TDRD3: variants seen among roughly 807,000 people sequenced by gnomAD.
TDRD3 encodes the protein tudor domain containing 3, also known as tudor domain-containing protein 3.
In TDRD3, 45 loss-of-function variants were observed where a neutral mutation model predicts 86.7. The observed-to-expected ratio is 0.52, with a 90% CI of 0.41 to 0.67. TDRD3 has a LOEUF of 0.67. Ranked by LOEUF, TDRD3 falls within the 30% of genes least tolerant of loss-of-function variation. The pLI is 0.00. For missense variants in TDRD3, 814 were observed against 889.0 expected (o/e 0.92, Z 1.07); for synonymous variants, 298 against 301.7 (o/e 0.99, Z 0.13).
chr13:60,482,215 C>T (rs776327654), intron 5 of TDRD3, among the ~76,000 whole-genome samples: 2 of 152,174 alleles, frequency 1.3e-5, no homozygotes, highest in Non-Finnish European at 2.9e-5. Context: ...AACAGCCCCA[C>T]AACTTCCAGT....
At chr13:60,486,550 A>C (rs772142255) in intron 7 of TDRD3, among the ~76,000 whole-genome samples, 1 of 152,208 alleles carries the variant, frequency 6.6e-6, no homozygotes, top group Non-Finnish European at 1.5e-5. Context: ...CGTGTATACA[A>C]TATGTAATGA....
chr13:60,436,934 A>G (rs1824750365), intron 1 of TDRD3, among the ~76,000 whole-genome samples: 1 of 152,084 alleles, frequency 6.6e-6, no homozygotes, highest in Non-Finnish European at 1.5e-5. Context: ...GCTTTTATCA[A>G]CTGAGTTTTA....
At chr13:60,510,363 A>G (rs932012786) in intron 9 of TDRD3, among the ~76,000 whole-genome samples, 2 of 152,166 alleles carry the variant, frequency 1.3e-5, no homozygotes, top group Non-Finnish European at 1.5e-5. Flanking sequence ...ATCTGTGGTT[A>G]AAGAATAAAT....
chr13:60,456,783 C>T (rs567975976), intron 3 of TDRD3, among the ~76,000 whole-genome samples: 24 of 152,206 alleles, frequency 1.6e-4, no homozygotes, highest in African/African-American at 5.8e-4. Context: ...GTAGCCTCCA[C>T]CTCCCAGGCT....
At chr13:60,450,257 C>T (rs1296205649) in intron 3 of TDRD3, among the ~76,000 whole-genome samples, 1 of 152,044 alleles carries the variant, frequency 6.6e-6, no homozygotes, top group African/African-American at 2.4e-5. Context: ...GAGGTGTGAC[C>T]CTTCTCTTCT....
chr13:60,563,375 G>A (rs1958382229), intron 12 of TDRD3, among the ~76,000 whole-genome samples: 1 of 152,156 alleles, frequency 6.6e-6, no homozygotes, highest in African/African-American at 2.4e-5. Flanking sequence ...CATCTTAGGG[G>A]TAGAAGCAGA....
intron 1 of TDRD3, among the ~76,000 whole-genome samples, chr13:60,407,219 C>G (rs1954256187): frequency 6.6e-6 from 1 of 152,144 alleles, no homozygotes; most frequent in East Asian, 1.9e-4. Flanking sequence ...AGGGAAAGAT[C>G]AAGTCTTCAT....
At chr13:60,556,326 A>G (rs1223122653) in intron 12 of TDRD3, among the ~76,000 whole-genome samples, 1 of 152,210 alleles carries the variant, frequency 6.6e-6, no homozygotes, top group Non-Finnish European at 1.5e-5. Context: ...CAGTTTGTAA[A>G]AATAAAGGCT....
chr13:60,565,300 C>A (rs911034277), intron 12 of TDRD3, among the ~76,000 whole-genome samples: 4 of 152,012 alleles, frequency 2.6e-5, no homozygotes, highest in African/African-American at 9.7e-5. Context: ...CGTGATCCGC[C>A]CGCCTCGGCC....
chr13:60,488,159 A>G (rs999755238), intron 7 of TDRD3, among the ~76,000 whole-genome samples: 5 of 152,176 alleles, frequency 3.3e-5, no homozygotes, highest in Non-Finnish European at 7.3e-5. Flanking sequence ...TCTCAAATCC[A>G]TCTCCCTGAT....
chr13:60,446,724 T>G (rs1955408001), intron 3 of TDRD3, among the ~76,000 whole-genome samples: 1 of 152,140 alleles, frequency 6.6e-6, no homozygotes, highest in Non-Finnish European at 1.5e-5. Flanking sequence ...GTAACTATCT[T>G]AAACCAGAGT....
At position 60,437,121 on chromosome 13, in the gene TDRD3, CTTTTT is replaced by C. The variant is rs528500199; in HGVS notation, c.42-2549_42-2545del. Among the ~76,000 whole-genome samples, 200 of 73,796 alleles carry C rather than the reference CTTTTT, an allele frequency of 2.7e-3. 2 individuals carry two copies. The highest frequency in any genetic ancestry group is 0.01 in the African/African-American group (188 of 18,680). The allele number at this position is 73,796 out of a possible 152,430, so 48.4% of individuals were successfully genotyped here. A position where few individuals can be genotyped will look rare whatever the true frequency, so the allele number is the denominator to read the frequency against. On this transcript the variant is annotated intron_variant, in intron 1 of 13. Coordinates refer to ENST00000377881, the MANE Select transcript of TDRD3 (RefSeq NM_001146070.2). ...AGCATTAATTGTTTGATAAATTAAA[CTTTTT>C]TTTTTTTTTTTTTTTTTGAGGCAGA...
intron 12 of TDRD3, chr13:60,547,462 C>G (rs1187983245): frequency 8.8e-5 from 84 of 958,536 alleles, no homozygotes; most frequent in Non-Finnish European, 1.0e-4. Context: ...CGAGTCCTGG[C>G]TCTGCCACTT....
intron 1 of TDRD3, among the ~76,000 whole-genome samples, chr13:60,401,310 A>G (rs1015760607): frequency 5.9e-5 from 9 of 152,240 alleles, no homozygotes; most frequent in African/African-American, 1.4e-4. Context: ...ATAATTTTAC[A>G]TAGCATTTAC....
Position 60,397,294 on chromosome 13 carries a change from G to C in TDRD3, c.-71G>C, listed in dbSNP as rs1294260843. The C allele has an allele frequency of 1.2e-6, 1 of 807,826 alleles. No homozygotes were observed. The allele number at this position is 807,826 out of a possible 1,614,324, so 50.0% of individuals were successfully genotyped here. On this transcript the variant is annotated 5_prime_UTR_variant, in exon 1 of 14. Transcript: ENST00000377881. ...TTTCTTTTTTTTTTTTTAAGGGGGG[G>C]GGTCTCAAGTAGGAGGCCTCCCCAT...
At chr13:60,433,669 G>T (rs1232909831) in intron 1 of TDRD3, among the ~76,000 whole-genome samples, 1 of 152,186 alleles carries the variant, frequency 6.6e-6, no homozygotes, top group Non-Finnish European at 1.5e-5. Flanking sequence ...CCACATGCAG[G>T]CTGAGCCCTG....
intron 10 of TDRD3, among the ~76,000 whole-genome samples, chr13:60,513,929 G>A (rs1226006034): frequency 1.3e-5 from 2 of 152,194 alleles, no homozygotes; most frequent in South Asian, 2.1e-4. Context: ...AGAGTAGGGT[G>A]CTGCAGAAAA....
At chr13:60,502,444 G>A (rs772999156) in intron 8 of TDRD3, among the ~76,000 whole-genome samples, 11 of 152,086 alleles carry the variant, frequency 7.2e-5, no homozygotes, top group Non-Finnish European at 1.5e-4. Flanking sequence ...ATTATGATAG[G>A]ACTGTGTTTT....
At chr13:60,470,593 T>C (rs1259489883) in intron 5 of TDRD3, among the ~76,000 whole-genome samples, 2 of 144,160 alleles carry the variant, frequency 1.4e-5, no homozygotes, top group African/African-American at 5.2e-5. Flanking sequence ...TAGTTGGGTT[T>C]TTTTTTTTTT....
Sources: gnomAD v4.1 joint callset for allele counts (sites outside exome capture counted in the v4.1 genomes callset) on GRCh38, gnomAD v4.1.1 for gene constraint, MANE v1.5 for transcripts, NCBI Gene and HGNC (gene_info 2026-07-23, HGNC 2026-07-21) for gene names.